AP2A1: variants seen among roughly 807,000 people sequenced by gnomAD.
AP2A1 encodes AP-2 complex subunit alpha-1.
In AP2A1, 21 loss-of-function variants were observed where a neutral mutation model predicts 107.3. The ratio of observed to expected loss-of-function variants is 0.20; its 90% CI spans 0.14 to 0.28. The LOEUF (loss-of-function observed/expected upper bound fraction) is 0.28, where lower values mean the gene tolerates loss of function less well. AP2A1 is among the 10% of genes least tolerant of loss of function. The pLI is 1.00. For synonymous variants in AP2A1, 602 were observed against 564.8 expected (o/e 1.07, Z -0.93); for missense variants, 873 against 1,307.7 (o/e 0.67, Z 5.13).
chr19:49,806,849 CAG>C lies in AP2A1; in HGVS notation c.*95_*96del. The C allele has an allele frequency of 6.3e-7, 1 of 1,590,830 alleles. No homozygotes were observed. The highest frequency in any genetic ancestry group is 8.5e-7 in the Non-Finnish European group (1 of 1,171,506). On this transcript the variant is annotated 3_prime_UTR_variant, in exon 23 of 23. Coordinates refer to ENST00000354293, the MANE Select transcript of AP2A1 (RefSeq NM_130787.3). ...GTGGATGGGGGACCTCCACTGGTGA[CAG>C]AGAAGACACCAGGGTTTGGGGGATG...
chr19:49,794,297 C>T (rs12610289), intron 6 of AP2A1, among the ~76,000 whole-genome samples: 1 of 150,034 alleles, frequency 6.7e-6, no homozygotes, highest in African/African-American at 2.5e-5. Flanking sequence ...TTCACTGCAG[C>T]CTCTGGCTCC....
chr19:49,791,569 A>T (rs1479755553), intron 4 of AP2A1, among the ~76,000 whole-genome samples: 1 of 152,158 alleles, frequency 6.6e-6, no homozygotes, highest in African/African-American at 2.4e-5. Flanking sequence ...GCTGTCTGAA[A>T]TGTAAGCCCT....
intron 10 of AP2A1, 33 bp downstream of exon 10, chr19:49,799,799 G>T (rs1264987878): frequency 1.9e-6 from 3 of 1,603,894 alleles, no homozygotes; most frequent in Non-Finnish European, 2.6e-6. Flanking sequence ...TGGACTCTTG[G>T]GTCTGAGGCA....
Position 49,793,724 on chromosome 19 carries a change from G to A in AP2A1, c.705+632G>A, listed in dbSNP as rs574366948. 2.0e-5 allele frequency among the ~76,000 whole-genome samples: 3 copies of A among 152,102 alleles called. 1 individual carries two copies. Among genetic ancestry groups the A allele is most frequent in the African/African-American group, 7.2e-5 (3 of 41,520 alleles). On this transcript the variant is annotated intron_variant, in intron 6 of 22. Transcript: ENST00000354293. ...TCGTGCTATAATGGAGGTAGGATAG[G>A]TCACCCATAGGAGGCACTTAACACA...
rs1295671271 is a variant in AP2A1, at chr19:49,805,922, C to T, written c.2636C>T (p.Ala879Val). Residue 879 changes from alanine to valine, a missense_variant, in exon 21 of 23, where the codon GCA (alanine) becomes GTA (valine). Around this residue, in one of 4 missense-constraint regions of AP2A1, gnomAD observed 416 missense variants for 473.4 expected, o/e 0.88. Coordinates refer to ENST00000354293, the MANE Select transcript of AP2A1 (RefSeq NM_130787.3). ...KIFKANHPMD[A>V]EVTKAKLLGF... ...TTCAAAGCCAACCACCCCATGGACG[C>T]AGAAGTTACTAAGGCCAAGGTGAGA... is the stretch of plus-strand genomic sequence containing the variant. 7.4e-6 allele frequency: 12 copies of T among 1,613,852 alleles called. No homozygotes were observed. Among genetic ancestry groups the T allele is most frequent in the Non-Finnish European group, 1.0e-5 (12 of 1,179,890 alleles).
chr19:49,799,201 T>C (rs2123743849), intron 8 of AP2A1, 126 bp from the exon 9 acceptor site: 3 of 1,263,468 alleles, frequency 2.4e-6, no homozygotes, highest in Non-Finnish European at 3.2e-6. Context: ...AGTACTGCGA[T>C]GCAAGGCCGG....
chr19:49,767,411 G>A (rs1289701350), intron 1 of AP2A1, among the ~76,000 whole-genome samples: 2 of 152,076 alleles, frequency 1.3e-5, no homozygotes, highest in African/African-American at 4.8e-5. Flanking sequence ...ACACGGAGTA[G>A]CTAGAGGGGT....
Position 49,789,972 on chromosome 19 carries a change from C to A in AP2A1, c.474-1963C>A, listed in dbSNP as rs539057523. ...ATGGTTGGGGCCTGGAGTCAGCCCT[C>A]TGAGATGGGCTGCCCGCTGGCTGCC... On this transcript the variant is annotated intron_variant, in intron 4 of 22. Transcript: ENST00000354293. Among the ~76,000 whole-genome samples, 15 of 152,322 alleles carry A rather than the reference C, an allele frequency of 9.8e-5. 1 individual carries two copies. The South Asian group carries it at 3.1e-3, about 32-fold the overall frequency.
chr19:49,803,073 C>G, intron 16 of AP2A1, 34 bp from the exon 17 acceptor site: 3 of 1,613,628 alleles, frequency 1.9e-6, no homozygotes, highest in Non-Finnish European at 2.5e-6. Context: ...TGCAGACAGG[C>G]ACCCCCGTCA....
intron 1 of AP2A1, among the ~76,000 whole-genome samples, chr19:49,769,878 T>TA (rs935787856): frequency 2.0e-5 from 3 of 151,928 alleles, no homozygotes; most frequent in African/African-American, 7.3e-5. Context: ...GGGTTGGTGA[T>TA]ACATTTTTTT....
chr19:49,787,341 T>TTG (rs1568579443), intron 4 of AP2A1, among the ~76,000 whole-genome samples: 9 of 107,460 alleles, frequency 8.4e-5, no homozygotes, highest in African/African-American at 3.1e-4. Flanking sequence ...TTTGTTTGTT[T>TTG]TTTTTGTTTT....
At position 49,799,409 on chromosome 19, in the gene AP2A1, C is replaced by T. The variant is rs776179326; in HGVS notation, c.1048C>T (p.Leu350=). ...GGAGACCAACCTGCGCTACCTGGCC[C>T]TGGAGAGCATGTGCACGCTGGCCAG... ...HRETNLRYLA[L]ESMCTLASSE... Residue 350 remains leucine, a synonymous_variant, in exon 9 of 23, where the codon CTG becomes TTG. Coordinates refer to ENST00000354293, the MANE Select transcript of AP2A1 (RefSeq NM_130787.3). The T allele has an allele frequency of 2.5e-6, 4 of 1,612,490 alleles. No homozygotes were observed. The Admixed American group carries it at 6.7e-5, about 27-fold the overall frequency.
chr19:49,795,825 T>A (rs2073206840), intron 7 of AP2A1, 87 bp downstream of exon 7: 2 of 1,037,030 alleles, frequency 1.9e-6, no homozygotes, highest in Non-Finnish European at 2.9e-6. Flanking sequence ...CAGGTGGGAC[T>A]GGAGGGTCTG....
intron 10 of AP2A1, 87 bp from the exon 11 acceptor site, chr19:49,799,881 G>T: frequency 6.4e-7 from 1 of 1,570,996 alleles, no homozygotes; most frequent in Non-Finnish European, 8.7e-7. Context: ...TGGGTCTCCA[G>T]ATGGGGGCAG....
intron 1 of AP2A1, 111 bp downstream of exon 1, chr19:49,767,311 T>C (rs2084512905): frequency 7.4e-7 from 1 of 1,344,004 alleles, no homozygotes. Context: ...TGCGGCCGTA[T>C]AGGGACAGCA....
intron 4 of AP2A1, among the ~76,000 whole-genome samples, chr19:49,790,649 C>G (rs937321178): frequency 6.6e-6 from 1 of 152,234 alleles, no homozygotes; most frequent in Non-Finnish European, 1.5e-5. Context: ...ATTCTCCCAC[C>G]TCAGCCTCCT....
At position 49,806,917 on chromosome 19, in the gene AP2A1, T is replaced by C. The variant is rs2073407486; in HGVS notation, c.*159T>C. Reference sequence around the variant, plus strand: ...CGGCCTTTTGTATTTTTATTTTTGTTCATCTGCTGCTGTTTACATTCTGGG... The same window carrying C: ...CGGCCTTTTGTATTTTTATTTTTGTCCATCTGCTGCTGTTTACATTCTGGG... On this transcript the variant is annotated 3_prime_UTR_variant, in exon 23 of 23. Coordinates refer to ENST00000354293, the MANE Select transcript of AP2A1 (RefSeq NM_130787.3). 6.5e-7 allele frequency: 1 copy of C among 1,535,888 alleles called. No homozygotes were observed. The highest frequency in any genetic ancestry group is 1.4e-5 in the African/African-American group (1 of 72,902).
At chr19:49,795,017 C>A (rs2073194392) in intron 6 of AP2A1, among the ~76,000 whole-genome samples, 1 of 152,248 alleles carries the variant, frequency 6.6e-6, no homozygotes, top group African/African-American at 2.4e-5. Flanking sequence ...CTCTTCCTAT[C>A]TGACCTTGTA....
At chr19:49,782,841 T>C (rs558196003) in intron 4 of AP2A1, 117 bp downstream of exon 4, 107 of 1,229,364 alleles carry the variant, frequency 8.7e-5, no homozygotes, top group Middle Eastern at 5.5e-4. Flanking sequence ...AGATGTGGGC[T>C]AACGCTGGGC....
Sources: gnomAD v4.1 joint callset for allele counts (sites outside exome capture counted in the v4.1 genomes callset) on GRCh38, gnomAD v4.1.1 for gene constraint, gnomAD v4.1.1 regional missense constraint, MANE v1.5 for transcripts, NCBI Gene and HGNC (gene_info 2026-07-23, HGNC 2026-07-21) for gene names.